The following NCS1 variants were observed in gnomAD, a reference collection of about 807,000 sequenced individuals.
The protein encoded by NCS1 is frequenin homolog.
NCS1 carries 6 observed loss-of-function variants against 28.4 expected under a neutral mutation model. That is an observed-to-expected ratio of 0.21 (90% CI 0.12 to 0.42). NCS1 has a LOEUF of 0.42. NCS1 is among the 10% of genes least tolerant of loss of function. NCS1 has a pLI of 1.00. For missense variants in NCS1, 131 were observed against 241.4 expected, an observed-to-expected ratio of 0.54 and a Z score of 3.03; for synonymous variants, 86 against 99.3, an observed-to-expected ratio of 0.87 and a Z score of 0.79.
chr9:130,206,345 C>T (rs1033320793), intron 2 of NCS1, among the ~76,000 whole-genome samples: 6 of 151,892 alleles, frequency 4.0e-5, no homozygotes, highest in African/African-American at 1.5e-4. Context: ...TCAGAGGGCC[C>T]TTTCTCACCG....
intron 1 of NCS1, among the ~76,000 whole-genome samples, chr9:130,174,908 C>T (rs959407730): frequency 7.2e-5 from 11 of 151,930 alleles, no homozygotes; most frequent in Non-Finnish European, 1.2e-4. Context: ...CCCCCTCCTC[C>T]GGGCAGATCT....
At position 130,226,465 on chromosome 9, in the gene NCS1, C is replaced by G; in HGVS notation, c.551C>G (p.Ser184Cys). 1 of 1,613,908 alleles carries G rather than the reference C, an allele frequency of 6.2e-7. No individual in the cohort carries two copies. Among genetic ancestry groups the G allele is most frequent in the Non-Finnish European group, 8.5e-7 (1 of 1,179,926 alleles). The change falls in exon 7 of 8, where the codon TCC becomes TGC. Residue 184 changes from serine to cysteine, a missense_variant. Physicochemically the swap from Ser to Cys is moderately radical, Grantham distance 112 (BLOSUM62 -1). Around this residue, in one of 2 missense-constraint regions of NCS1, gnomAD observed 100 missense variants for 210.3 expected, o/e 0.48. Coordinates refer to ENST00000372398, the MANE Select transcript of NCS1 (RefSeq NM_014286.4). This position sits in a 1 kb window ranked among gnomAD's most constrained non-coding sequence, Gnocchi z 4.8. Reference sequence around the variant, plus strand: ...GACCCGTCCATTGTGCAGGCGCTGTCCCTCTACGACGGGCTGGTATAGTCC... The same window carrying G: ...GACCCGTCCATTGTGCAGGCGCTGTGCCTCTACGACGGGCTGGTATAGTCC... ...KADPSIVQAL[S>C]LYDGLV
At chr9:130,184,444 C>T (rs1379452504) in intron 1 of NCS1, among the ~76,000 whole-genome samples, 4 of 151,918 alleles carry the variant, frequency 2.6e-5, no homozygotes, top group Admixed American at 6.6e-5. Flanking sequence ...GGCATTCATG[C>T]GAAAACATTG....
In NCS1 at chr9:130,191,149, C is replaced by G. The variant is rs1413977560; in HGVS notation, c.65-9809C>G. On this transcript the variant is annotated intron_variant, in intron 1 of 7. Transcript: ENST00000372398. The surrounding 1 kb of genome is among the most constrained non-coding windows in gnomAD (Gnocchi z 6.4). ...CCCTGACAGCGGGGCAGGGAGCACG[C>G]TGACCCAGGCCACGTGGCGACTGGA... 6.6e-6 allele frequency among the ~76,000 whole-genome samples: 1 copy of G among 152,212 alleles called. No individual in the cohort carries two copies. The highest frequency in any genetic ancestry group is 1.5e-5 in the Non-Finnish European group (1 of 68,024).
chr9:130,209,689 C>T lies in NCS1; in HGVS notation c.90-8143C>T, dbSNP rs558454096. On this transcript the variant is annotated intron_variant, in intron 2 of 7. Coordinates refer to ENST00000372398, the MANE Select transcript of NCS1 (RefSeq NM_014286.4). This position sits in a 1 kb window ranked among gnomAD's most constrained non-coding sequence, Gnocchi z 4.4. ...CAGCGCTGGCGTGGGAACTGTTTTGCAAGTGGTAGTCAGCTTTCAGGATTT... is the reference window on the plus strand; with the variant it reads ...CAGCGCTGGCGTGGGAACTGTTTTGTAAGTGGTAGTCAGCTTTCAGGATTT... 3.9e-5 allele frequency among the ~76,000 whole-genome samples: 6 copies of T among 152,260 alleles called. No homozygotes were observed. Among genetic ancestry groups the T allele is most frequent in the Middle Eastern group, 3.4e-3 (1 of 294 alleles).
At chr9:130,212,123 T>C (rs781986776) in intron 2 of NCS1, among the ~76,000 whole-genome samples, 4 of 152,154 alleles carry the variant, frequency 2.6e-5, no homozygotes, top group Non-Finnish European at 5.9e-5. Flanking sequence ...GTGGGCGGGA[T>C]TGGCCTCACC....
chr9:130,195,261 G>A (rs1034417990), intron 1 of NCS1, among the ~76,000 whole-genome samples: 5 of 152,160 alleles, frequency 3.3e-5, no homozygotes, highest in African/African-American at 4.8e-5. Flanking sequence ...TCTCTGGACC[G>A]CTGTACTTCA....
At chr9:130,221,445 G>GAGAGAGAGAGAGAGAGAA (rs1833300609) in intron 4 of NCS1, among the ~76,000 whole-genome samples, 1 of 140,328 alleles carries the variant, frequency 7.1e-6, no homozygotes, top group Non-Finnish European at 1.5e-5. Context: ...GAGAGAGAGA[G>GAGAGAGAGAGAGAGAGAA]AGAGAGAAAG....
At chr9:130,200,879 G>T in intron 1 of NCS1, 79 bp from the exon 2 acceptor site, 3 of 1,568,202 alleles carry the variant, frequency 1.9e-6, no homozygotes, top group Non-Finnish European at 2.6e-6. Context: ...CTGGAGGGGA[G>T]GCCCCCCAGC....
chr9:130,176,165 TCTTTCTTTCTTTCTTTCTTTCTTTC>T (rs1564700729), intron 1 of NCS1, among the ~76,000 whole-genome samples: 44 of 85,554 alleles, frequency 5.1e-4, no homozygotes, highest in South Asian at 9.9e-4. Context: ...TTTCTTTCTT[TCTTTCTTTCTTTCTTTCTTTCTTTC>T]TTTCTTTTTT....
intron 2 of NCS1, among the ~76,000 whole-genome samples, chr9:130,210,272 A>T (rs1216584552): frequency 6.6e-6 from 1 of 151,902 alleles, no homozygotes; most frequent in African/African-American, 2.4e-5. Flanking sequence ...GGTGGCACGC[A>T]CCTGTAGTCC....
chr9:130,220,875 T>C (rs1418158236), intron 4 of NCS1, among the ~76,000 whole-genome samples: 2 of 150,336 alleles, frequency 1.3e-5, no homozygotes, highest in Non-Finnish European at 3.0e-5. Context: ...GGGAGCAGAG[T>C]GGACTGTGGG....
chr9:130,173,192 G>A (rs1251463110), intron 1 of NCS1, among the ~76,000 whole-genome samples: 1 of 129,226 alleles, frequency 7.7e-6, no homozygotes, highest in Non-Finnish European at 1.6e-5. Context: ...CCCTGGCCCC[G>A]TTCGTGTGGG....
intron 2 of NCS1, 103 bp from the exon 3 acceptor site, chr9:130,217,729 C>T (rs1554909590): frequency 6.5e-7 from 1 of 1,549,542 alleles, no homozygotes; most frequent in Middle Eastern, 2.2e-4. Flanking sequence ...TCTCTTTGAA[C>T]AAGGAGCCAC....
At chr9:130,173,834 C>CT (rs1275685940) in intron 1 of NCS1, among the ~76,000 whole-genome samples, 1 of 152,202 alleles carries the variant, frequency 6.6e-6, no homozygotes, top group Non-Finnish European at 1.5e-5. Flanking sequence ...CTGCTCCCCG[C>CT]TTCCCCCCAC....
intron 4 of NCS1, among the ~76,000 whole-genome samples, chr9:130,221,445 G>GAA (rs1833300243): frequency 6.4e-5 from 9 of 140,308 alleles, no homozygotes; most frequent in Admixed American, 2.9e-4. Flanking sequence ...GAGAGAGAGA[G>GAA]AGAGAGAAAG....
rs1165586051 is a variant in NCS1, at chr9:130,223,081, G to A, written c.397-1G>A. On this transcript the variant is annotated splice_acceptor_variant, in intron 5 of 7. Coordinates refer to ENST00000372398, the MANE Select transcript of NCS1 (RefSeq NM_014286.4). LOFTEE classifies it high-confidence loss of function. ...CACCCCCGCCTTGTCCGTCCCTGCA[G>A]GGGAATACCGTGGAGCTCCCAGAGG... The A allele has an allele frequency of 6.2e-7, 1 of 1,613,764 alleles. No homozygotes were observed. Among genetic ancestry groups the A allele is most frequent in the Non-Finnish European group, 8.5e-7 (1 of 1,179,818 alleles).
At chr9:130,185,987 C>G (rs1465300827) in intron 1 of NCS1, among the ~76,000 whole-genome samples, 1 of 152,244 alleles carries the variant, frequency 6.6e-6, no homozygotes, top group African/African-American at 2.4e-5. Context: ...AGCTCAGGTT[C>G]TGTGGAGCTG....
At position 130,182,174 on chromosome 9, in the gene NCS1, C is replaced by A. The variant is rs371739753; in HGVS notation, c.64+9447C>A. On this transcript the variant is annotated intron_variant, in intron 1 of 7. Transcript: ENST00000372398. Reference sequence around the variant, plus strand: ...AGTAGGGACCCTTATACCCATTTTACAGATGAGGAAAGGGAGGCCCAGGCA... The same window carrying A: ...AGTAGGGACCCTTATACCCATTTTAAAGATGAGGAAAGGGAGGCCCAGGCA... Among the ~76,000 whole-genome samples, 4 of 152,156 alleles carry A rather than the reference C, an allele frequency of 2.6e-5. No individual in the cohort carries two copies. In the East Asian group the frequency reaches 7.7e-4, roughly 29 times the overall value.
Sources: allele counts gnomAD v4.1 joint callset (sites outside exome capture counted in the v4.1 genomes callset), GRCh38; gene constraint gnomAD v4.1.1; regional missense constraint gnomAD v4.1.1; non-coding constraint Gnocchi (gnomAD v3.1); transcripts MANE v1.5; gene names NCBI Gene and HGNC (gene_info 2026-07-23, HGNC 2026-07-21).